TRAK1: variants seen among roughly 807,000 people sequenced by gnomAD.
TRAK1 encodes trafficking kinesin protein 1.
In TRAK1, 33 loss-of-function variants were observed where a neutral mutation model predicts 92.1. The ratio of observed to expected loss-of-function variants is 0.36; its 90% CI spans 0.27 to 0.48. TRAK1 has a LOEUF of 0.48. TRAK1 is among the 20% of genes least tolerant of loss of function. The probability of loss-of-function intolerance (pLI) is 0.99; values close to 1 mark genes in which losing one functional copy is unlikely to be tolerated. For synonymous variants in TRAK1, 521 were observed against 517.3 expected, an observed-to-expected ratio of 1.01 and a Z score of -0.10; for missense variants, 1,123 against 1,257.9, an observed-to-expected ratio of 0.89 and a Z score of 1.62.
intron 1 of TRAK1, among the ~76,000 whole-genome samples, chr3:42,108,579 A>G (rs961873023): frequency 9.2e-5 from 14 of 151,822 alleles, no homozygotes; most frequent in Non-Finnish European, 1.5e-4. Context: ...CAAGAAAACA[A>G]TGGTATTTGC....
At chr3:42,107,253 T>C (rs1707690201) in intron 1 of TRAK1, among the ~76,000 whole-genome samples, 2 of 152,172 alleles carry the variant, frequency 1.3e-5, no homozygotes, top group Non-Finnish European at 2.9e-5. Context: ...CAGTGCCTTA[T>C]GCCTGTAATC....
At chr3:42,064,498 A>G (rs1307559963) in intron 1 of TRAK1, among the ~76,000 whole-genome samples, 1 of 152,240 alleles carries the variant, frequency 6.6e-6, no homozygotes, top group African/African-American at 2.4e-5. Flanking sequence ...ACTCTAAAAT[A>G]TTATCACCTA....
rs6767042 is a variant in TRAK1 at position 42,205,337 on chromosome 3, C to T, written c.1744+2585C>T. 6.2e-3 allele frequency among the ~76,000 whole-genome samples: 943 copies of T among 152,122 alleles called. 5 individuals are homozygous for T. Among genetic ancestry groups the T allele is most frequent in the African/African-American group, 0.021 (890 of 41,478 alleles). Reference sequence around the variant, plus strand: ...ATCACCAGCAGCCCAGGTAAATGTACCTGGGGTGAGGTCCCTAGAGACTGT... The same window carrying T: ...ATCACCAGCAGCCCAGGTAAATGTATCTGGGGTGAGGTCCCTAGAGACTGT... On this transcript the variant is annotated intron_variant, in intron 13 of 15. Coordinates refer to ENST00000327628, the MANE Select transcript of TRAK1 (RefSeq NM_001042646.3).
intron 1 of TRAK1, among the ~76,000 whole-genome samples, chr3:42,058,056 C>T (rs1703270559): frequency 6.6e-6 from 1 of 152,194 alleles, no homozygotes; most frequent in South Asian, 2.1e-4. Context: ...ATTTTTGCCA[C>T]CTTTAAGCTC....
At chr3:42,177,113 TGTG>T (rs1703331376) in intron 3 of TRAK1, among the ~76,000 whole-genome samples, 2 of 152,208 alleles carry the variant, frequency 1.3e-5, no homozygotes, top group African/African-American at 4.8e-5. Flanking sequence ...TGGCACCAAA[TGTG>T]GTGTGTTTAA....
At chr3:42,151,204 G>A (rs1699909491) in intron 2 of TRAK1, 1 of 373,570 alleles carries the variant, frequency 2.7e-6, no homozygotes, top group Non-Finnish European at 5.2e-6. Context: ...CTAATACCAT[G>A]ACCCAAATGC....
intron 1 of TRAK1, among the ~76,000 whole-genome samples, chr3:42,057,523 G>T (rs553700378): frequency 5.6e-4 from 86 of 152,242 alleles, no homozygotes; most frequent in Non-Finnish European, 1.0e-3. Context: ...ATTGGTCCAG[G>T]CCAATCACAG....
rs1159655848 is a variant in TRAK1 at position 42,202,250 on chromosome 3, C to G, written c.1428-186C>G. ...ACCTCAACCCCACTAAAAAAGACCC[C>G]TGGCGGGAGTGGTTCTGGACACGAA... is the stretch of plus-strand genomic sequence containing the variant. On this transcript the variant is annotated intron_variant, in intron 12 of 15. Coordinates refer to ENST00000327628, the MANE Select transcript of TRAK1 (RefSeq NM_001042646.3). This position sits in a 1 kb window ranked among gnomAD's most constrained non-coding sequence, Gnocchi z 6.1. Among the ~76,000 whole-genome samples the G allele has an allele frequency of 1.3e-5, 2 of 152,152 alleles. No individual in the cohort carries two copies. Among genetic ancestry groups the G allele is most frequent in the Non-Finnish European group, 2.9e-5 (2 of 68,032 alleles).
At chr3:42,183,735 A>G (rs901256587) in intron 3 of TRAK1, among the ~76,000 whole-genome samples, 11 of 152,134 alleles carry the variant, frequency 7.2e-5, no homozygotes, top group African/African-American at 2.7e-4. Context: ...CTTTCAAACC[A>G]GATGAGCAGA....
chr3:42,076,389 C>G (rs1264979773), intron 1 of TRAK1, among the ~76,000 whole-genome samples: 1 of 150,818 alleles, frequency 6.6e-6, no homozygotes, highest in African/African-American at 2.4e-5. Flanking sequence ...CCACGCCCAG[C>G]TGATTTGCAT....
rs1158638172 is a variant in TRAK1 at position 42,135,183 on chromosome 3, A to T, written c.286+9569A>T. On this transcript the variant is annotated intron_variant, in intron 2 of 15. Coordinates refer to ENST00000327628, the MANE Select transcript of TRAK1 (RefSeq NM_001042646.3). ...CCCGCCCTTACCTTACCTACCTACC[A>T]TGTTATGCTCATTTCACCTACTGTC... Among the ~76,000 whole-genome samples, 7 of 152,144 alleles carry T rather than the reference A, an allele frequency of 4.6e-5. No individual in the cohort carries two copies. The East Asian group carries it at 1.3e-3, about 29-fold the overall frequency.
chr3:42,084,018 A>T (rs1704553904), upstream of TRAK1, among the ~76,000 whole-genome samples: 1 of 152,016 alleles, frequency 6.6e-6, no homozygotes, highest in Non-Finnish European at 1.5e-5. Flanking sequence ...TTTTTACTAG[A>T]TTATATCCAA....
At chr3:42,104,450 G>C (rs1385532636) in intron 1 of TRAK1, among the ~76,000 whole-genome samples, 2 of 152,120 alleles carry the variant, frequency 1.3e-5, no homozygotes, top group Non-Finnish European at 2.9e-5. Context: ...CTCCCAGTAG[G>C]GGCCGACTGA....
chr3:42,031,795 A>G (rs1013725716), intron 1 of TRAK1, among the ~76,000 whole-genome samples: 1 of 152,150 alleles, frequency 6.6e-6, no homozygotes, highest in African/African-American at 2.4e-5. Context: ...GTGCGTTTCC[A>G]GTTTCCTCAC....
intron 14 of TRAK1, among the ~76,000 whole-genome samples, chr3:42,214,181 G>A (rs1187134149): frequency 6.6e-6 from 1 of 152,204 alleles, no homozygotes; most frequent in African/African-American, 2.4e-5. Flanking sequence ...CTAGAGGCAC[G>A]TGGGTTGCTG....
rs149562531 is a variant in TRAK1 at position 42,052,868 on chromosome 3, C to T, written c.-518-34236C>T. ...CAGGATGTCAGTGGCTATCAGAGGT[C>T]CCCAGCTCTGAGAAAACTGGTGGCT... On this transcript the variant is annotated intron_variant, in intron 1 of 16. Transcript: ENST00000487159. Among the ~76,000 whole-genome samples, 20 of 152,190 alleles carry T rather than the reference C, an allele frequency of 1.3e-4. No individual in the cohort carries two copies. The East Asian group carries it at 3.1e-3, about 24-fold the overall frequency.
chr3:42,166,080 T>TATGCCA (rs1377650683), intron 2 of TRAK1, among the ~76,000 whole-genome samples: 2 of 152,086 alleles, frequency 1.3e-5, no homozygotes, highest in Non-Finnish European at 2.9e-5. Flanking sequence ...TCCTCTGTGT[T>TATGCCA]ATGCCAGTTT....
intron 13 of TRAK1, chr3:42,204,054 T>A: frequency 2.0e-6 from 2 of 984,978 alleles, no homozygotes; most frequent in Non-Finnish European, 2.4e-6. Context: ...AATTGTATAA[T>A]TGGGGTCTTT....
chr3:42,078,170 C>T (rs1017070785), intron 1 of TRAK1, among the ~76,000 whole-genome samples: 1 of 152,140 alleles, frequency 6.6e-6, no homozygotes, highest in Non-Finnish European at 1.5e-5. Flanking sequence ...TCTGGTTTGC[C>T]TTCCCACTAA....
Sources: gnomAD v4.1 joint callset for allele counts (sites outside exome capture counted in the v4.1 genomes callset) on GRCh38, gnomAD v4.1.1 for gene constraint, Gnocchi (gnomAD v3.1) non-coding constraint, MANE v1.5 for transcripts, NCBI Gene and HGNC (gene_info 2026-07-23, HGNC 2026-07-21) for gene names.